TMEM132C: variants seen among roughly 807,000 people sequenced by gnomAD.
TMEM132C encodes transmembrane protein 132C, also known as protein phosphatase 1, regulatory subunit 152.
A neutral mutation model predicts 61.4 loss-of-function variants in TMEM132C; 29 were observed. The observed-to-expected ratio is 0.47, with a 90% CI of 0.35 to 0.64. The LOEUF (loss-of-function observed/expected upper bound fraction) is 0.64. TMEM132C is among the 30% of genes least tolerant of loss of function. TMEM132C has a pLI of 0.00. For missense variants in TMEM132C, 1,408 were observed against 1,476.9 expected, an observed-to-expected ratio of 0.95 and a Z score of 0.76; for synonymous variants, 656 against 633.1, an observed-to-expected ratio of 1.04 and a Z score of -0.54.
At chr12:128,396,909 T>C (rs1294150956) in intron 1 of TMEM132C, among the ~76,000 whole-genome samples, 1 of 152,222 alleles carries the variant, frequency 6.6e-6, no homozygotes, top group Non-Finnish European at 1.5e-5. Flanking sequence ...GGATAGCCTC[T>C]TCTATTATTT....
intron 2 of TMEM132C, among the ~76,000 whole-genome samples, chr12:128,420,429 C>G (rs1463609745): frequency 2.0e-5 from 3 of 152,024 alleles, no homozygotes; most frequent in Non-Finnish European, 2.9e-5. Flanking sequence ...AGTAAGGAGA[C>G]AAATGTGGCT....
At chr12:128,623,546 C>G (rs1953987239) in intron 4 of TMEM132C, among the ~76,000 whole-genome samples, 1 of 151,848 alleles carries the variant, frequency 6.6e-6, no homozygotes, top group Non-Finnish European at 1.5e-5. Flanking sequence ...TTGGCTCACA[C>G]CTGTAATCCC....
chr12:128,579,244 C>T (rs1875240783), intron 3 of TMEM132C, among the ~76,000 whole-genome samples: 1 of 152,250 alleles, frequency 6.6e-6, no homozygotes, highest in African/African-American at 2.4e-5. Flanking sequence ...TTGCTCTGCC[C>T]TCCCTACATA....
At chr12:128,314,202 T>C (rs554704871) in intron 1 of TMEM132C, among the ~76,000 whole-genome samples, 32 of 152,308 alleles carry the variant, frequency 2.1e-4, no homozygotes, top group Admixed American at 4.6e-4. Flanking sequence ...GAGCCAAAAA[T>C]ATCCCTGGAG....
At chr12:128,505,376 C>T (rs1219636088) in intron 2 of TMEM132C, among the ~76,000 whole-genome samples, 1 of 152,150 alleles carries the variant, frequency 6.6e-6, no homozygotes, top group Non-Finnish European at 1.5e-5. Context: ...TCTCTAGTGT[C>T]AGTGTGAGTT....
At chr12:128,525,409 A>C (rs1479621544) in intron 2 of TMEM132C, among the ~76,000 whole-genome samples, 1 of 151,508 alleles carries the variant, frequency 6.6e-6, no homozygotes, top group African/African-American at 2.4e-5. Flanking sequence ...TAGCTATAGC[A>C]ACTCCCCTGA....
At chr12:128,308,336 A>G (rs1871850458) in intron 1 of TMEM132C, among the ~76,000 whole-genome samples, 1 of 148,706 alleles carries the variant, frequency 6.7e-6, no homozygotes, top group South Asian at 2.2e-4. Flanking sequence ...TATCAAACAT[A>G]TCACCCTTGG....
chr12:128,537,951 A>G (rs149050758), intron 2 of TMEM132C, among the ~76,000 whole-genome samples: 21 of 152,176 alleles, frequency 1.4e-4, no homozygotes, highest in African/African-American at 4.6e-4. Flanking sequence ...AACTTTTTTA[A>G]ATTTACTTTT....
At chr12:128,627,729 C>A (rs920327838) in intron 4 of TMEM132C, among the ~76,000 whole-genome samples, 5 of 152,214 alleles carry the variant, frequency 3.3e-5, no homozygotes, top group African/African-American at 4.8e-5. Context: ...ACAGCAGGTA[C>A]TGTAGGTCTG....
intron 4 of TMEM132C, among the ~76,000 whole-genome samples, chr12:128,634,564 T>C (rs910038203): frequency 6.6e-6 from 1 of 152,236 alleles, no homozygotes. Flanking sequence ...CATATGATAA[T>C]TGACTTCCCT....
Position 128,622,355 on chromosome 12 carries a change from AAAAAAATATATATATATATAT to A in TMEM132C, c.1305+6022_1305+6042del, listed in dbSNP as rs1264180601. On this transcript the variant is annotated intron_variant, in intron 4 of 8. Transcript: ENST00000435159. ...TGAGACTTTGTCTCAAAAAAAAAAA[AAAAAAATATATATATATATAT>A]ATATATATATATATATATATATATA... 1.1e-3 allele frequency among the ~76,000 whole-genome samples: 68 copies of A among 62,790 alleles called. 2 individuals carry two copies. Among genetic ancestry groups the A allele is most frequent in the Admixed American group, 2.3e-3 (15 of 6,516 alleles). The allele number at this position is 62,790 out of a possible 152,430, so 41.2% of individuals were successfully genotyped here. A position where few individuals can be genotyped will look rare whatever the true frequency, so the allele number is the denominator to read the frequency against.
chr12:128,381,011 A>G (rs1375638645), intron 1 of TMEM132C, among the ~76,000 whole-genome samples: 1 of 152,204 alleles, frequency 6.6e-6, no homozygotes, highest in Non-Finnish European at 1.5e-5. Flanking sequence ...AACACTAGAC[A>G]GTGCTTTATT....
intron 4 of TMEM132C, among the ~76,000 whole-genome samples, chr12:128,626,913 G>A (rs1484506405): frequency 2.6e-5 from 4 of 152,140 alleles, no homozygotes; most frequent in Non-Finnish European, 5.9e-5. Context: ...AGAAGGAAAC[G>A]CTCACTCCAG....
chr12:128,584,297 G>T (rs1875458898), intron 3 of TMEM132C, among the ~76,000 whole-genome samples: 1 of 152,142 alleles, frequency 6.6e-6, no homozygotes, highest in South Asian at 2.1e-4. Flanking sequence ...GGAGTTCTAT[G>T]CATGAAAGTT....
intron 2 of TMEM132C, among the ~76,000 whole-genome samples, chr12:128,439,824 A>T (rs542505636): frequency 6.6e-6 from 1 of 152,276 alleles, no homozygotes; most frequent in Admixed American, 6.5e-5. Context: ...CAGCAGGCGT[A>T]TGAGCCGCAG....
intron 1 of TMEM132C, among the ~76,000 whole-genome samples, chr12:128,362,660 C>G (rs1384955667): frequency 6.6e-6 from 1 of 152,146 alleles, no homozygotes; most frequent in Non-Finnish European, 1.5e-5. Flanking sequence ...CCTAAGTGCT[C>G]CAATGAGGAT....
intron 4 of TMEM132C, among the ~76,000 whole-genome samples, chr12:128,654,468 A>G (rs1954304074): frequency 6.6e-6 from 1 of 152,204 alleles, no homozygotes; most frequent in South Asian, 2.1e-4. Flanking sequence ...GTTGTATGCC[A>G]TCCCGTTTGC....
At chr12:128,617,428 C>A (rs963674937) in intron 4 of TMEM132C, among the ~76,000 whole-genome samples, 5 of 152,214 alleles carry the variant, frequency 3.3e-5, no homozygotes, top group Non-Finnish European at 7.3e-5. Context: ...TGGCTTGGGT[C>A]ATGAGCCCAA....
At chr12:128,655,233 T>G (rs1479469525) in intron 4 of TMEM132C, among the ~76,000 whole-genome samples, 1 of 151,960 alleles carries the variant, frequency 6.6e-6, no homozygotes. Flanking sequence ...TTTTCTCCCC[T>G]GATGAGAGGA....
Sources: gnomAD v4.1 joint callset for allele counts (sites outside exome capture counted in the v4.1 genomes callset) on GRCh38, gnomAD v4.1.1 for gene constraint, MANE v1.5 for transcripts, NCBI Gene and HGNC (gene_info 2026-07-23, HGNC 2026-07-21) for gene names.